AJAP1: variants seen among roughly 807,000 people sequenced by gnomAD.
The protein encoded by AJAP1 is adherens junctions associated protein 1, also known as adherens junction-associated protein 1.
AJAP1 carries 5 observed loss-of-function variants against 35.0 expected under a neutral mutation model. That is an observed-to-expected ratio of 0.14 (90% CI 0.07 to 0.30). AJAP1 has a LOEUF of 0.30. Among genes scored for constraint, AJAP1 ranks in the 10% least tolerant of loss-of-function variants. The pLI is 1.00. For missense variants in AJAP1, 586 were observed against 571.0 expected (o/e 1.03, Z -0.27); for synonymous variants, 284 against 249.3 (o/e 1.14, Z -1.31).
intron 1 of AJAP1, among the ~76,000 whole-genome samples, chr1:4,676,503 A>T (rs1395158939): frequency 1.3e-5 from 2 of 152,088 alleles, no homozygotes; most frequent in Non-Finnish European, 2.9e-5. Context: ...CCTTCTCAGA[A>T]ACAGTGAAAC....
At chr1:4,741,069 G>A (rs967435868) in intron 2 of AJAP1, among the ~76,000 whole-genome samples, 2 of 152,102 alleles carry the variant, frequency 1.3e-5, no homozygotes, top group Non-Finnish European at 2.9e-5. Context: ...GAGGACATGA[G>A]AGCAGGGAGG....
chr1:4,770,323 G>T (rs1641807208), intron 3 of AJAP1, among the ~76,000 whole-genome samples: 1 of 152,174 alleles, frequency 6.6e-6, no homozygotes. Flanking sequence ...ACCCAGCAGG[G>T]TCCCACGTCC....
Position 4,712,109 on chromosome 1 carries a change from G to T in AJAP1, c.239G>T (p.Ser80Ile). The T allele has an allele frequency of 6.5e-7, 1 of 1,536,572 alleles. No homozygotes were observed. The highest frequency in any genetic ancestry group is 2.4e-5 in the East Asian group (1 of 41,386). The change falls in exon 2 of 6, where the codon AGC becomes ATC. Residue 80 changes from serine to isoleucine, a missense_variant. Transcript: ENST00000378191. ...GCGCGGGTCCCGGCCCCGGTGTGGAGCCCCCGGCCGCCCCGAGTGGAGCGG... is the reference window on the plus strand; with the variant it reads ...GCGCGGGTCCCGGCCCCGGTGTGGATCCCCCGGCCGCCCCGAGTGGAGCGG... ...QPARVPAPVWSPRPPRVERIH... is the reference protein window; with the variant it reads ...QPARVPAPVWIPRPPRVERIH...
chr1:4,661,123 G>A (rs909730287), intron 1 of AJAP1, among the ~76,000 whole-genome samples: 7 of 152,196 alleles, frequency 4.6e-5, no homozygotes, highest in Non-Finnish European at 8.8e-5. Context: ...TATGATAAAA[G>A]AACTGGGGGC....
At chr1:4,717,054 C>G (rs1194108609) in intron 2 of AJAP1, among the ~76,000 whole-genome samples, 1 of 152,194 alleles carries the variant, frequency 6.6e-6, no homozygotes, top group Non-Finnish European at 1.5e-5. Context: ...GGAGGAGGCT[C>G]CCCACAGTGC....
At chr1:4,725,554 A>G (rs1640636699) in intron 2 of AJAP1, among the ~76,000 whole-genome samples, 1 of 152,184 alleles carries the variant, frequency 6.6e-6, no homozygotes, top group African/African-American at 2.4e-5. Flanking sequence ...CAGAATGTCC[A>G]GGATGTCACC....
At position 4,655,733 on chromosome 1, in the gene AJAP1, C is replaced by T. The variant is rs1340376148; in HGVS notation, c.29+279C>T. 6.6e-6 allele frequency among the ~76,000 whole-genome samples: 1 copy of T among 150,504 alleles called. No homozygotes were observed. Among genetic ancestry groups the T allele is most frequent in the Non-Finnish European group, 1.5e-5 (1 of 67,514 alleles). On this transcript the variant is annotated intron_variant, in intron 1 of 5. Coordinates refer to ENST00000378191, the MANE Select transcript of AJAP1 (RefSeq NM_018836.4). This position sits in a 1 kb window ranked among gnomAD's most constrained non-coding sequence, Gnocchi z 6.9. ...CGGGAAGTGGGGCCGGCCAGGCGCG[C>T]CCGCAGCTCTAGGAGCCAGCAGCGC... is the stretch of plus-strand genomic sequence containing the variant.
intron 2 of AJAP1, among the ~76,000 whole-genome samples, chr1:4,741,145 G>A (rs952890609): frequency 5.3e-5 from 8 of 152,122 alleles, no homozygotes; most frequent in African/African-American, 1.9e-4. Flanking sequence ...GAAAACGGGA[G>A]CTAGGTTTCT....
Position 4,712,349 on chromosome 1 carries a change from A to C in AJAP1, c.479A>C (p.Gln160Pro). The change falls in exon 2 of 6, where the codon CAG becomes CCG. Residue 160 changes from glutamine to proline, a missense_variant. Physicochemically the swap from Gln to Pro is moderately conservative, Grantham distance 76 (BLOSUM62 -1). Coordinates refer to ENST00000378191, the MANE Select transcript of AJAP1 (RefSeq NM_018836.4). Reference sequence around the variant, plus strand: ...CTGAGGAGGGGCAAGAGGCACCTGCAGGGGGACGGTCTCAGCAGCTTCGAC... The same window carrying C: ...CTGAGGAGGGGCAAGAGGCACCTGCCGGGGGACGGTCTCAGCAGCTTCGAC... The part of the protein sequence containing the change: ...ALLRRGKRHL[Q>P]GDGLSSFDSR... 1.3e-6 allele frequency: 2 copies of C among 1,503,534 alleles called. No homozygotes were observed. Among genetic ancestry groups the C allele is most frequent in the Non-Finnish European group, 1.8e-6 (2 of 1,123,640 alleles). 93.1% of individuals were successfully genotyped at this position (1,503,534 alleles called of 1,614,324 possible).
At chr1:4,768,095 T>TA (rs140096110) in intron 2 of AJAP1, among the ~76,000 whole-genome samples, 2,077 of 152,336 alleles carry the variant, frequency 0.014, 43 homozygotes, top group African/African-American at 0.038. Context: ...CCCAGAGGTT[T>TA]ACAGCAGGTG....
intron 3 of AJAP1, among the ~76,000 whole-genome samples, chr1:4,771,555 A>G (rs1263415477): frequency 2.6e-5 from 4 of 152,124 alleles, no homozygotes; most frequent in African/African-American, 7.2e-5. Flanking sequence ...TGCTCTCATC[A>G]TAGAAGTGGC....
chr1:4,766,106 G>C (rs914838964), intron 2 of AJAP1, among the ~76,000 whole-genome samples: 1 of 152,180 alleles, frequency 6.6e-6, no homozygotes, highest in Admixed American at 6.5e-5. Context: ...CCTAAATCAC[G>C]TATCTGTAAA....
chr1:4,691,683 A>G (rs1639742925), intron 1 of AJAP1, among the ~76,000 whole-genome samples: 1 of 152,086 alleles, frequency 6.6e-6, no homozygotes, highest in Non-Finnish European at 1.5e-5. Flanking sequence ...TCCAGGAGTC[A>G]GGGGGGCTTA....
chr1:4,705,394 GCTTTTTTT>G (rs1640079407), intron 1 of AJAP1, among the ~76,000 whole-genome samples: 1 of 66,918 alleles, frequency 1.5e-5, no homozygotes, highest in Non-Finnish European at 2.9e-5. Flanking sequence ...GTTTTGAAGA[GCTTTTTTT>G]TTTTTTTTTT....
At chr1:4,743,653 T>C (rs1421684998) in intron 2 of AJAP1, among the ~76,000 whole-genome samples, 1 of 152,188 alleles carries the variant, frequency 6.6e-6, no homozygotes, top group African/African-American at 2.4e-5. Context: ...TTCTAATTTC[T>C]TCCCCTCTGC....
At chr1:4,683,097 G>A (rs887302534) in intron 1 of AJAP1, among the ~76,000 whole-genome samples, 4 of 152,252 alleles carry the variant, frequency 2.6e-5, no homozygotes, top group East Asian at 3.8e-4. Context: ...AGAGTCAGAT[G>A]GTGGGGGTTC....
chr1:4,780,656 C>T (rs1642041519), intron 5 of AJAP1, among the ~76,000 whole-genome samples: 1 of 140,182 alleles, frequency 7.1e-6, no homozygotes, highest in Non-Finnish European at 1.5e-5. Context: ...TTGTGGGACA[C>T]AGCCTCACTC....
At chr1:4,663,136 A>T (rs1342073195) in intron 1 of AJAP1, among the ~76,000 whole-genome samples, 2 of 151,922 alleles carry the variant, frequency 1.3e-5, no homozygotes, top group East Asian at 3.9e-4. Flanking sequence ...TTTTGTTTTT[A>T]TTTTATTTAT....
chr1:4,756,791 A>G (rs999127600), intron 2 of AJAP1, among the ~76,000 whole-genome samples: 1 of 152,180 alleles, frequency 6.6e-6, no homozygotes, highest in South Asian at 2.1e-4. Flanking sequence ...GGAGGGAACT[A>G]AGCTTCCTAC....
Sources: allele counts gnomAD v4.1 joint callset (sites outside exome capture counted in the v4.1 genomes callset), GRCh38; gene constraint gnomAD v4.1.1; non-coding constraint Gnocchi (gnomAD v3.1); transcripts MANE v1.5; gene names NCBI Gene and HGNC (gene_info 2026-07-23, HGNC 2026-07-21).